The following LINGO1 variants were observed in gnomAD, a reference collection of about 807,000 sequenced individuals.
The protein encoded by LINGO1 is leucine rich repeat and Ig domain containing 1.
Under a neutral mutation model 37.3 loss-of-function variants are expected in LINGO1, and 11 were observed. That is an observed-to-expected ratio of 0.29 (90% CI 0.19 to 0.49). The LOEUF (loss-of-function observed/expected upper bound fraction) is 0.49, where lower values mean the gene tolerates loss of function less well. Among genes scored for constraint, LINGO1 ranks in the 20% least tolerant of loss-of-function variants. The pLI is 0.99. For synonymous variants in LINGO1, 387 were observed against 403.0 expected, an observed-to-expected ratio of 0.96 and a Z score of 0.48; for missense variants, 585 against 878.2, an observed-to-expected ratio of 0.67 and a Z score of 4.22.
At chr15:77,796,490 G>C (rs1169609522) in intron 1 of LINGO1, among the ~76,000 whole-genome samples, 1 of 152,180 alleles carries the variant, frequency 6.6e-6, no homozygotes, top group African/African-American at 2.4e-5. Context: ...TGCCAGGACT[G>C]CTGGGAAGAT....
At chr15:77,624,005 T>C (rs61079432) in intron 1 of LINGO1, among the ~76,000 whole-genome samples, 25,120 of 148,678 alleles carry the variant, frequency 0.17, 4,443 homozygotes, top group African/African-American at 0.46. Flanking sequence ...GTGAGTGGCC[T>C]TTGTGTGTGT....
chr15:77,722,743 G>T (rs955773566), intron 2 of LINGO1, among the ~76,000 whole-genome samples: 1 of 152,208 alleles, frequency 6.6e-6, no homozygotes. Flanking sequence ...ACCTGGTGGT[G>T]GTGGAGAGTG....
At chr15:77,732,447 G>T (rs1394334933) in intron 2 of LINGO1, among the ~76,000 whole-genome samples, 1 of 152,232 alleles carries the variant, frequency 6.6e-6, no homozygotes, top group African/African-American at 2.4e-5. Flanking sequence ...GCTAGCTTGC[G>T]TCCGCATCTC....
chr15:77,649,740 G>A (rs2074716884), intron 3 of LINGO1, among the ~76,000 whole-genome samples: 1 of 152,142 alleles, frequency 6.6e-6, no homozygotes, highest in African/African-American at 2.4e-5. Context: ...TGGCAGGCAG[G>A]ACTCTTGCTG....
At chr15:77,813,743 T>C (rs1329461764) in intron 1 of LINGO1, among the ~76,000 whole-genome samples, 3 of 152,208 alleles carry the variant, frequency 2.0e-5, no homozygotes, top group African/African-American at 7.2e-5. Flanking sequence ...AAAATACGTA[T>C]TAGAGCCTCA....
At chr15:77,748,176 C>A (rs1488404854) in intron 1 of LINGO1, among the ~76,000 whole-genome samples, 1 of 152,250 alleles carries the variant, frequency 6.6e-6, no homozygotes, top group Non-Finnish European at 1.5e-5. Context: ...AACACCAGGA[C>A]TAGAAACCCT....
chr15:77,770,672 G>C (rs1567574050), intron 1 of LINGO1, among the ~76,000 whole-genome samples: 1 of 152,006 alleles, frequency 6.6e-6, no homozygotes, highest in Admixed American at 6.6e-5. Flanking sequence ...TCCACGAAGA[G>C]GGGGTTTAAA....
chr15:77,698,379 G>A (rs1056878339), upstream of LINGO1, among the ~76,000 whole-genome samples: 2 of 152,174 alleles, frequency 1.3e-5, no homozygotes, highest in Non-Finnish European at 2.9e-5. Flanking sequence ...TGCCTACTAC[G>A]TTCCAGGCAC....
chr15:77,799,831 T>C (rs544016464), intron 1 of LINGO1, among the ~76,000 whole-genome samples: 3 of 151,980 alleles, frequency 2.0e-5, no homozygotes, highest in Non-Finnish European at 2.9e-5. Flanking sequence ...TGGGGCTGTA[T>C]TGAGAGAGTA....
intron 3 of LINGO1, among the ~76,000 whole-genome samples, chr15:77,664,158 T>TGC (rs1440093557): frequency 8.3e-6 from 1 of 120,658 alleles, no homozygotes; most frequent in Non-Finnish European, 1.8e-5. Flanking sequence ...TGTGTGTGTG[T>TGC]GTGTGTGTGT....
intron 3 of LINGO1, among the ~76,000 whole-genome samples, chr15:77,652,483 AGTGTGTGTGTGTGTGT>A (rs773433884): frequency 1.1e-3 from 142 of 128,960 alleles, no homozygotes; most frequent in African/African-American, 3.3e-3. Context: ...GGGGAGGGAG[AGTGTGTGTGTGTGTGT>A]GTGTGTGTGT....
chr15:77,729,021 ACT>A (rs1003999467), intron 2 of LINGO1, among the ~76,000 whole-genome samples: 2 of 151,968 alleles, frequency 1.3e-5, no homozygotes, highest in African/African-American at 4.8e-5. Context: ...TGGAAAACCC[ACT>A]CTCTGCGATG....
At chr15:77,722,247 T>G (rs2076058282) in intron 2 of LINGO1, among the ~76,000 whole-genome samples, 1 of 152,212 alleles carries the variant, frequency 6.6e-6, no homozygotes, top group African/African-American at 2.4e-5. Flanking sequence ...AGCCCGTCTC[T>G]GAGTACATAA....
intron 1 of LINGO1, among the ~76,000 whole-genome samples, chr15:77,739,960 T>A (rs2076243895): frequency 6.6e-6 from 1 of 152,250 alleles, no homozygotes. Context: ...AGCCAGTGTT[T>A]ATGGAGCACC....
At chr15:77,631,606 C>A (rs2074256103) in intron 1 of LINGO1, among the ~76,000 whole-genome samples, 1 of 152,100 alleles carries the variant, frequency 6.6e-6, no homozygotes, top group African/African-American at 2.4e-5. Flanking sequence ...CCCTCCTTAC[C>A]TCCCTCTTCT....
chr15:77,784,185 A>G (rs900462723), intron 1 of LINGO1, among the ~76,000 whole-genome samples: 1 of 152,238 alleles, frequency 6.6e-6, no homozygotes, highest in Non-Finnish European at 1.5e-5. Flanking sequence ...CCCAAAAGGA[A>G]GAGTTGGTTC....
chr15:77,617,289 C>T (rs2073760161), intron 1 of LINGO1, among the ~76,000 whole-genome samples: 1 of 152,132 alleles, frequency 6.6e-6, no homozygotes, highest in Admixed American at 6.5e-5. Flanking sequence ...TCTCTCCATC[C>T]ACCCCCATGA....
intron 3 of LINGO1, among the ~76,000 whole-genome samples, chr15:77,657,919 T>C (rs2074900942): frequency 6.6e-6 from 1 of 152,040 alleles, no homozygotes; most frequent in Admixed American, 6.5e-5. Flanking sequence ...GTGACAAAAA[T>C]GTGTCAGATT....
At chr15:77,682,990 CAA>C (rs2075443561) in intron 2 of LINGO1, among the ~76,000 whole-genome samples, 1 of 152,126 alleles carries the variant, frequency 6.6e-6, no homozygotes, top group Non-Finnish European at 1.5e-5. Context: ...ACAAAACAGA[CAA>C]AGTTTTTAAA....
Sources: gnomAD v4.1 joint callset for allele counts (sites outside exome capture counted in the v4.1 genomes callset) on GRCh38, gnomAD v4.1.1 for gene constraint, MANE v1.5 for transcripts, NCBI Gene and HGNC (gene_info 2026-07-23, HGNC 2026-07-21) for gene names.